MAP3K1: variants seen among roughly 807,000 people sequenced by gnomAD.
MAP3K1 encodes the protein mitogen-activated protein kinase kinase kinase 1, also known as MAP/ERK kinase kinase 1.
In MAP3K1, 36 loss-of-function variants were observed where a neutral mutation model predicts 144.2. That is an observed-to-expected ratio of 0.25 (90% CI 0.19 to 0.33). The LOEUF (loss-of-function observed/expected upper bound fraction) is 0.33, where lower values mean the gene tolerates loss of function less well. Among genes scored for constraint, MAP3K1 ranks in the 10% least tolerant of loss-of-function variants. The pLI, the probability that MAP3K1 is intolerant of heterozygous loss-of-function variation, is 1.00. For synonymous variants in MAP3K1, 718 were observed against 688.7 expected (o/e 1.04, Z -0.67); for missense variants, 1,650 against 1,881.9 (o/e 0.88, Z 2.28).
At chr5:56,875,605 G>A (rs895120651) in intron 10 of MAP3K1, among the ~76,000 whole-genome samples, 6 of 152,078 alleles carry the variant, frequency 3.9e-5, no homozygotes, top group African/African-American at 1.4e-4. Flanking sequence ...CTTAGTTTCT[G>A]TTTGGGCCAG....
At chr5:56,852,662 T>A (rs1413316195) in intron 1 of MAP3K1, among the ~76,000 whole-genome samples, 2 of 152,216 alleles carry the variant, frequency 1.3e-5, no homozygotes, top group African/African-American at 4.8e-5. Context: ...TGAAATCTGT[T>A]ATTTTTTTAA....
chr5:56,822,673 A>G (rs1746188437), intron 1 of MAP3K1, among the ~76,000 whole-genome samples: 1 of 152,168 alleles, frequency 6.6e-6, no homozygotes. Context: ...TAATGCCCTT[A>G]GATCAGTTAT....
intron 1 of MAP3K1, among the ~76,000 whole-genome samples, chr5:56,845,276 A>G (rs1433703772): frequency 6.6e-6 from 1 of 152,224 alleles, no homozygotes; most frequent in Non-Finnish European, 1.5e-5. Flanking sequence ...GTATACTCAA[A>G]CTGCACTGCC....
At chr5:56,866,055 T>G (rs1747662693) in intron 6 of MAP3K1, 78 bp downstream of exon 6, 3 of 1,130,366 alleles carry the variant, frequency 2.7e-6, no homozygotes, top group African/African-American at 1.5e-5. Context: ...TATCTACTTG[T>G]TAAGTTGCTC....
chr5:56,836,005 G>C (rs562585422), intron 1 of MAP3K1, among the ~76,000 whole-genome samples: 31 of 152,298 alleles, frequency 2.0e-4, no homozygotes, highest in African/African-American at 7.2e-4. Context: ...TTGGCTGTAT[G>C]CAGATACTAG....
At chr5:56,848,227 A>G (rs1008700793) in intron 1 of MAP3K1, among the ~76,000 whole-genome samples, 7 of 152,206 alleles carry the variant, frequency 4.6e-5, no homozygotes, top group African/African-American at 9.6e-5. Flanking sequence ...AAATTTACTA[A>G]TTTGGAAGTA....
At chr5:56,829,793 T>C (rs1323249907) in intron 1 of MAP3K1, among the ~76,000 whole-genome samples, 1 of 152,188 alleles carries the variant, frequency 6.6e-6, no homozygotes, top group Non-Finnish European at 1.5e-5. Context: ...CTGATGGTGA[T>C]AACTGGCTGT....
intron 2 of MAP3K1, among the ~76,000 whole-genome samples, chr5:56,857,427 T>A (rs1747374736): frequency 6.6e-6 from 1 of 152,140 alleles, no homozygotes; most frequent in Non-Finnish European, 1.5e-5. Flanking sequence ...GTCTTCATTC[T>A]TACAAAGGAA....
chr5:56,863,075 T>C (rs1055461692), intron 3 of MAP3K1, among the ~76,000 whole-genome samples: 2 of 152,188 alleles, frequency 1.3e-5, no homozygotes, highest in Admixed American at 6.5e-5. Flanking sequence ...ATTTGTTATA[T>C]AACTAGGGAC....
intron 10 of MAP3K1, among the ~76,000 whole-genome samples, chr5:56,876,115 C>G (rs1748019450): frequency 7.0e-6 from 1 of 142,470 alleles, no homozygotes; most frequent in Non-Finnish European, 1.5e-5. Flanking sequence ...GCGTATATGT[C>G]TCTTTAGGGC....
intron 6 of MAP3K1, among the ~76,000 whole-genome samples, chr5:56,871,610 A>T (rs950581951): frequency 1.3e-5 from 2 of 152,172 alleles, no homozygotes; most frequent in African/African-American, 4.8e-5. Context: ...TCTATTCAAA[A>T]GGTACAGTAG....
In MAP3K1 at chr5:56,882,131, A is replaced by G; in HGVS notation, c.2931A>G (p.Gln977=). The change falls in exon 14 of 20, where the codon CAA becomes CAG. Residue 977 remains glutamine (Q), a synonymous_variant. Coordinates refer to ENST00000399503, the MANE Select transcript of MAP3K1 (RefSeq NM_005921.2). Reference sequence around the variant, plus strand: ...CCTCTCCTTTATCTCATCATTCCCAATTAATGTTTCCAGCCTTGTCAACCC... The same window carrying G: ...CCTCTCCTTTATCTCATCATTCCCAGTTAATGTTTCCAGCCTTGTCAACCC... ...LNSSPLSHHS[Q]LMFPALSTPS... is the part of the protein sequence containing the mutation. 3.7e-6 allele frequency: 6 copies of G among 1,614,074 alleles called. No homozygotes were observed. Among genetic ancestry groups the G allele is most frequent in the Non-Finnish European group, 5.1e-6 (6 of 1,180,004 alleles).
Position 56,882,299 on chromosome 5 carries a change from T to G in MAP3K1, c.3099T>G (p.Cys1033Trp). The G allele has an allele frequency of 6.2e-7, 1 of 1,614,138 alleles. No homozygotes were observed. The highest frequency in any genetic ancestry group is 2.2e-5 in the East Asian group (1 of 44,870). Reference sequence around the variant, plus strand: ...TTTCTCTACAATTCCACAGAAACTGTCCTGAAAACAAAGACTCAGATAAAC... The same window carrying G: ...TTTCTCTACAATTCCACAGAAACTGGCCTGAAAACAAAGACTCAGATAAAC... The part of the protein sequence containing the change: ...RKFSLQFHRN[C>W]PENKDSDKLS... Residue 1033 changes from cysteine (C) to tryptophan (W), a missense_variant, in exon 14 of 20, where the codon TGT becomes TGG. Transcript: ENST00000399503.
rs956698066 is a variant in MAP3K1 at position 56,842,426 on chromosome 5, G to A, written c.483-14174G>A. ...TCTTCATCTGCCCAATGAAGATGAG[G>A]ACTCTTACCTTGTAGCTTTGGTGAG... On this transcript the variant is annotated intron_variant, in intron 1 of 19. Transcript: ENST00000399503. Among the ~76,000 whole-genome samples, 6 of 152,326 alleles carry A rather than the reference G, an allele frequency of 3.9e-5. No individual in the cohort carries two copies. The East Asian group carries it at 9.6e-4, about 24-fold the overall frequency.
intron 15 of MAP3K1, among the ~76,000 whole-genome samples, 159 bp downstream of exon 15, chr5:56,883,838 T>G (rs992870574): frequency 1.2e-4 from 18 of 152,180 alleles, no homozygotes; most frequent in African/African-American, 4.3e-4. Context: ...ACCAGAAACA[T>G]CATGAATTCT....
In MAP3K1 at chr5:56,887,478, T is replaced by C. The variant is rs369830358; in HGVS notation, c.4215T>C (p.Phe1405=). The change falls in exon 18 of 20, where the codon TTT becomes TTC. Residue 1405 remains phenylalanine (F), a synonymous_variant. Transcript: ENST00000399503. ...LASKGTGAGE[F]QGQLLGTIAF... The stretch of plus-strand genomic sequence containing the variant: ...CAAAAGGAACTGGTGCAGGAGAGTT[T>C]CAGGGACAATTACTGGGGACAATTG... 1 of 1,614,166 alleles carries C rather than the reference T, an allele frequency of 6.2e-7. No homozygotes were observed.
intron 1 of MAP3K1, among the ~76,000 whole-genome samples, chr5:56,839,809 C>G (rs530828683): frequency 6.6e-6 from 1 of 152,310 alleles, no homozygotes; most frequent in East Asian, 1.9e-4. Context: ...GGATGACATC[C>G]TACCCAGGGC....
intron 19 of MAP3K1, among the ~76,000 whole-genome samples, chr5:56,889,256 C>A (rs1579787589): frequency 6.6e-6 from 1 of 152,204 alleles, no homozygotes; most frequent in Admixed American, 6.5e-5. Context: ...ATAGCCTCCG[C>A]TTCCCAGGTT....
At chr5:56,816,118 C>A in intron 1 of MAP3K1, 63 bp downstream of exon 1, 1 of 1,181,054 alleles carries the variant, frequency 8.5e-7, no homozygotes, top group Non-Finnish European at 1.0e-6. Flanking sequence ...AATGAATGAA[C>A]CCCGGGCACC....
Sources: allele counts gnomAD v4.1 joint callset (sites outside exome capture counted in the v4.1 genomes callset), GRCh38; gene constraint gnomAD v4.1.1; transcripts MANE v1.5; gene names NCBI Gene and HGNC (gene_info 2026-07-23, HGNC 2026-07-21).